DST: variants seen among roughly 807,000 people sequenced by gnomAD.
DST encodes bullous pemphigoid antigen.
Under a neutral mutation model 875.2 loss-of-function variants are expected in DST, and 253 were observed. The observed-to-expected ratio is 0.29, with a 90% CI of 0.26 to 0.32. The LOEUF (loss-of-function observed/expected upper bound fraction) is 0.32. Among genes scored for constraint, DST ranks in the 10% least tolerant of loss-of-function variants. DST has a pLI of 1.00. For synonymous variants in DST, 3,124 were observed against 3,197.1 expected (o/e 0.98, Z 0.77); for missense variants, 8,287 against 9,111.6 (o/e 0.91, Z 3.68).
rs1382587781 is a variant in DST, at chr6:56,639,977, T to C, written c.2571A>G (p.Arg857=). 1 of 1,613,648 alleles carries C rather than the reference T, an allele frequency of 6.2e-7. No homozygotes were observed. The highest frequency in any genetic ancestry group is 2.2e-5 in the East Asian group (1 of 44,860). ...SHLENHKNVH[R]AIEEFESSLK... ...GACTAGATTCAAATTCTTCAATAGC[T>C]CTATGAACATTTTTATGATTTTCTA... The change falls in exon 19 of 104, where the codon AGA becomes AGG. Residue 857 remains arginine, a synonymous_variant. Coordinates refer to ENST00000680361, the MANE Select transcript of DST (RefSeq NM_001374736.1).
chr6:56,619,777 G>T, intron 36 of DST: 1 of 1,614,074 alleles, frequency 6.2e-7, no homozygotes. Context: ...CCAACTTAAG[G>T]CATCTGAGTG....
At chr6:56,614,960 C>T (rs147687851) in intron 36 of DST, 55 of 992,382 alleles carry the variant, frequency 5.5e-5, no homozygotes, top group African/African-American at 3.7e-4. Context: ...CTTTCAAGTG[C>T]GAAGACTTAA....
intron 10 of DST, among the ~76,000 whole-genome samples, chr6:56,668,829 G>C (rs2099085201): frequency 6.6e-6 from 1 of 151,752 alleles, no homozygotes; most frequent in Non-Finnish European, 1.5e-5. Context: ...TGTGTATGTG[G>C]AGGATTCATT....
Position 56,650,325 on chromosome 6 carries a change from C to CAAAAAAAAAAA in DST, c.1434+590_1434+600dup, listed in dbSNP as rs70989721. On this transcript the variant is annotated intron_variant, in intron 12 of 103. Transcript: ENST00000680361. ...ATAAGCACTTGTTAGCATAACCACC[C>CAAAAAAAAAAA]AAAAAAAAAAAAAAAAAAAAAAAGC... Among the ~76,000 whole-genome samples the CAAAAAAAAAAA allele has an allele frequency of 1.0e-4, 5 of 48,690 alleles. 1 individual carries two copies. The highest frequency in any genetic ancestry group is 1.6e-4 in the African/African-American group (2 of 12,754). 31.9% of individuals were successfully genotyped at this position (48,690 alleles called of 152,430 possible).
At chr6:56,564,871 T>A (rs1355074484) in intron 55 of DST, among the ~76,000 whole-genome samples, 2 of 152,158 alleles carry the variant, frequency 1.3e-5, no homozygotes, top group Non-Finnish European at 2.9e-5. Context: ...TGGATTACGT[T>A]TATTGATTGG....
At chr6:56,704,871 T>C (rs1238710274) in intron 5 of DST, among the ~76,000 whole-genome samples, 5 of 152,228 alleles carry the variant, frequency 3.3e-5, no homozygotes, top group Admixed American at 6.5e-5. Context: ...TATGAGCCTA[T>C]AATTATTTCA....
intron 95 of DST, among the ~76,000 whole-genome samples, chr6:56,470,764 T>C (rs2094845317): frequency 6.9e-6 from 1 of 144,924 alleles, no homozygotes; most frequent in Non-Finnish European, 1.5e-5. Flanking sequence ...TGACTTCCTA[T>C]TACACATATG....
chr6:56,640,001 T>G lies in DST; in HGVS notation c.2547A>C (p.Leu849Phe). 6.2e-7 allele frequency: 1 copy of G among 1,614,014 alleles called. No homozygotes were observed. Among genetic ancestry groups the G allele is most frequent in the Non-Finnish European group, 8.5e-7 (1 of 1,179,904 alleles). ...CTCTATGAACATTTTTATGATTTTC[T>G]AAATGGCTTTCAACACTTGGCAAAT... Reference protein sequence around the residue: ...GSDLPSVESHLENHKNVHRAI... With the variant: ...GSDLPSVESHFENHKNVHRAI... The change falls in exon 19 of 104, where the codon TTA becomes TTC. Residue 849 changes from leucine (L) to phenylalanine (F), a missense_variant. Leu to Phe is a conservative substitution (Grantham distance 22). Coordinates refer to ENST00000680361, the MANE Select transcript of DST (RefSeq NM_001374736.1).
chr6:56,742,440 C>T, intron 4 of DST: 1 of 982,252 alleles, frequency 1.0e-6, no homozygotes, highest in Non-Finnish European at 1.4e-6. Flanking sequence ...AAAACACTGA[C>T]TAGACACTCC....
chr6:56,542,428 T>TAAAAAAAAAAAAAAAAAAAAA (rs60688419), intron 61 of DST: 1 of 68,088 alleles, frequency 1.5e-5, no homozygotes, highest in African/African-American at 6.5e-5. Flanking sequence ...TAAGCTTCTT[T>TAAAAAAAAAAAAAAAAAAAAA]AAAAAAAAAA....
At chr6:56,699,173 AAG>A (rs1486085395) in intron 9 of DST, among the ~76,000 whole-genome samples, 1 of 152,338 alleles carries the variant, frequency 6.6e-6, no homozygotes, top group African/African-American at 2.4e-5. Context: ...CTCAAATCTA[AAG>A]AGAGAAAGCA....
chr6:56,678,493 C>T (rs1232710791), intron 9 of DST, among the ~76,000 whole-genome samples: 1 of 152,020 alleles, frequency 6.6e-6, no homozygotes. Context: ...TGGAACAGAT[C>T]CCTGTAACAA....
At chr6:56,807,651 T>C (rs1467160677) in intron 4 of DST, among the ~76,000 whole-genome samples, 18 of 152,162 alleles carry the variant, frequency 1.2e-4, no homozygotes, top group Admixed American at 1.2e-3. Context: ...GACAGTTTTT[T>C]CAACAAATAG....
rs747099865 is a variant in DST, at chr6:56,628,121, A to G, written c.4516T>C (p.Tyr1506His). 6.2e-7 allele frequency: 1 copy of G among 1,613,824 alleles called. No homozygotes were observed. Among genetic ancestry groups the G allele is most frequent in the South Asian group, 1.1e-5 (1 of 91,082 alleles). Residue 1506 changes from tyrosine to histidine, a missense_variant, in exon 33 of 104, where the codon TAC (tyrosine) becomes CAC (histidine). Coordinates refer to ENST00000680361, the MANE Select transcript of DST (RefSeq NM_001374736.1). ...LEGIGKSLKYYRDTYHPLDDW... is the reference protein window; with the variant it reads ...LEGIGKSLKYHRDTYHPLDDW... Reference sequence around the variant, plus strand: ...TCTAAAGGATGGTAAGTGTCTCTGTAGTACTTCAGTGATTTGCCAATGCCC... The same window carrying G: ...TCTAAAGGATGGTAAGTGTCTCTGTGGTACTTCAGTGATTTGCCAATGCCC...
At position 56,553,654 on chromosome 6, in the gene DST, C is replaced by T. The variant is rs1218645978; in HGVS notation, c.15138G>A (p.Glu5046=). The T allele has an allele frequency of 6.2e-7, 1 of 1,606,982 alleles. No individual in the cohort carries two copies. Among genetic ancestry groups the T allele is most frequent in the African/African-American group, 1.3e-5 (1 of 74,682 alleles). ...KSFKDVEQKA[E]NHVQHLQSAC... is the part of the protein sequence containing the mutation. ...CCGACTGAAGGTGCTGGACATGATT[C>T]TCTAGAAATAAAATTACAAGATATG... Residue 5046 remains glutamate (E), a splice_region_variant and synonymous_variant, in exon 61 of 104, where the codon GAG becomes GAA. Coordinates refer to ENST00000680361, the MANE Select transcript of DST (RefSeq NM_001374736.1).
At chr6:56,822,827 A>AT (rs1341462783) in intron 4 of DST, among the ~76,000 whole-genome samples, 1 of 150,992 alleles carries the variant, frequency 6.6e-6, no homozygotes, top group Non-Finnish European at 1.5e-5. Flanking sequence ...ATTTTATTTT[A>AT]TTTATTTATT....
intron 88 of DST, among the ~76,000 whole-genome samples, chr6:56,483,089 A>G (rs1306250956): frequency 6.6e-6 from 1 of 152,204 alleles, no homozygotes; most frequent in African/African-American, 2.4e-5. Context: ...AAATTTGTTC[A>G]GTCCTGTCAC....
In DST at chr6:56,606,279, A is replaced by T; in HGVS notation, c.8349T>A (p.Asp2783Glu). 1 of 1,586,144 alleles carries T rather than the reference A, an allele frequency of 6.3e-7. No homozygotes were observed. ...CTTCACTTTGCATAGAATCTAAATG[A>T]TCAGTATCGGAGTGAAATTCCTGTC... ...VTGQEFHSDT[D>E]HLDSMQSEES... The change falls in exon 40 of 104, where the codon GAT becomes GAA. Residue 2783 changes from aspartate (D) to glutamate (E), a missense_variant. Physicochemically the swap from Asp to Glu is conservative, Grantham distance 45 (BLOSUM62 2). Around this residue, in one of 10 missense-constraint regions of DST, gnomAD observed 3,138 missense variants for 3,116.6 expected, o/e 1.01. Transcript: ENST00000680361.
At chr6:56,556,919 T>C (rs908963177) in intron 59 of DST, among the ~76,000 whole-genome samples, 1 of 152,186 alleles carries the variant, frequency 6.6e-6, no homozygotes, top group African/African-American at 2.4e-5. Flanking sequence ...CATTATCTAC[T>C]ACCACAATCA....
Sources: allele counts gnomAD v4.1 joint callset (sites outside exome capture counted in the v4.1 genomes callset), GRCh38; gene constraint gnomAD v4.1.1; regional missense constraint gnomAD v4.1.1; transcripts MANE v1.5; gene names NCBI Gene and HGNC (gene_info 2026-07-23, HGNC 2026-07-21).